Variants in MYH11 observed in about 807,000 individuals in gnomAD.
MYH11 encodes myosin-11.
MYH11 carries 80 observed loss-of-function variants against 246.6 expected under a neutral mutation model. The ratio of observed to expected loss-of-function variants is 0.32; its 90% CI spans 0.27 to 0.39. MYH11 has a LOEUF of 0.39. Among genes scored for constraint, MYH11 ranks in the 10% least tolerant of loss-of-function variants. MYH11 has a pLI of 1.00. For missense variants in MYH11, 2,158 were observed against 2,546.8 expected, an observed-to-expected ratio of 0.85 and a Z score of 3.29; for synonymous variants, 1,071 against 1,015.5, an observed-to-expected ratio of 1.05 and a Z score of -1.04.
At chr16:15,834,072 CT>C (rs965022219) in intron 2 of MYH11, among the ~76,000 whole-genome samples, 32 of 151,260 alleles carry the variant, frequency 2.1e-4, no homozygotes, top group Admixed American at 1.8e-3. Context: ...TTCATATGCC[CT>C]TTTTTTTTCT....
At chr16:15,706,651 GAGCCAACGTTGTGCCACTGCA>G (rs1415225374) in intron 40 of MYH11, among the ~76,000 whole-genome samples, 2 of 151,734 alleles carry the variant, frequency 1.3e-5, no homozygotes, top group Admixed American at 6.6e-5. Flanking sequence ...AGGCTGCAGT[GAGCCAACGTTGTGCCACTGCA>G]CTCCAGCCTG....
intron 14 of MYH11, 126 bp downstream of exon 14, chr16:15,756,215 G>T: frequency 1.9e-6 from 2 of 1,050,964 alleles, no homozygotes; most frequent in East Asian, 2.6e-5. Context: ...GTTGGGATTC[G>T]CTTAGCAGCA....
rs766875173 is a variant in MYH11 at position 15,704,076 on chromosome 16, C to T, written c.5834G>A (p.Arg1945His). The change falls in exon 41 of 41, where the codon CGT becomes CAT. Residue 1945 changes from arginine to histidine, a missense_variant. By Grantham distance (29) the Arg-to-His change is conservative (BLOSUM62 0). Around this residue, in one of 11 missense-constraint regions of MYH11, gnomAD observed 1,013 missense variants for 993.5 expected, o/e 1.02. Transcript: ENST00000300036. ...ACCATCTGCATTTTCAATAACTCTA[C>T]GTCCTCCAGACCTTCTAGAAGGAAC... is the stretch of plus-strand genomic sequence containing the variant. Reference protein sequence around the residue: ...SFVPSRRSGGRRVIENADGSE... With the variant: ...SFVPSRRSGGHRVIENADGSE... 8 of 1,614,114 alleles carry T rather than the reference C, an allele frequency of 5.0e-6. No individual in the cohort carries two copies. The highest frequency in any genetic ancestry group is 2.2e-5 in the East Asian group (1 of 44,882).
At chr16:15,727,341 C>T (rs1300405571) in intron 27 of MYH11, among the ~76,000 whole-genome samples, 2 of 152,108 alleles carry the variant, frequency 1.3e-5, no homozygotes, top group Non-Finnish European at 2.9e-5. Flanking sequence ...GCTGGGATTA[C>T]AGGCGCCCGC....
intron 16 of MYH11, 88 bp from the exon 17 acceptor site, chr16:15,748,256 T>A (rs2041474321): frequency 1.3e-6 from 2 of 1,587,564 alleles, no homozygotes. Context: ...ATGACCCACC[T>A]GGCCAGGCCA....
intron 4 of MYH11, among the ~76,000 whole-genome samples, chr16:15,795,148 C>G (rs1344765010): frequency 6.6e-6 from 1 of 151,610 alleles, no homozygotes; most frequent in Non-Finnish European, 1.5e-5. Context: ...TCTCTATTAA[C>G]AATACAAAAA....
At chr16:15,736,754 G>A (rs543197357) in intron 25 of MYH11, among the ~76,000 whole-genome samples, 1 of 152,274 alleles carries the variant, frequency 6.6e-6, no homozygotes, top group Non-Finnish European at 1.5e-5. Context: ...TGCTCCTGTT[G>A]CGTTACCCCT....
chr16:15,847,265 T>TTTTTC lies in MYH11; in HGVS notation c.-17-8997_-17-8996insGAAAA, dbSNP rs574635258. ...GGACTTCTTTTTTTTTTTTTTTTTT[T>TTTTTC]TCTGAGACAGGGTCTTGCTCTGTCG... is the stretch of plus-strand genomic sequence containing the variant. On this transcript the variant is annotated intron_variant, in intron 1 of 40. Transcript: ENST00000300036. 3.4e-4 allele frequency among the ~76,000 whole-genome samples: 40 copies of TTTTTC among 116,192 alleles called. 1 individual carries two copies. Among genetic ancestry groups the TTTTTC allele is most frequent in the East Asian group, 9.2e-4 (4 of 4,342 alleles). 76.2% of individuals were successfully genotyped at this position (116,192 alleles called of 152,430 possible). A position where few individuals can be genotyped will look rare whatever the true frequency, so the allele number is the denominator to read the frequency against.
chr16:15,823,183 G>A (rs2151359617), intron 3 of MYH11, 72 bp downstream of exon 3: 1 of 1,600,772 alleles, frequency 6.2e-7, no homozygotes. Flanking sequence ...CACATTCCTG[G>A]CAAGAACTGC....
intron 2 of MYH11, among the ~76,000 whole-genome samples, chr16:15,833,412 G>GAA (rs71392067): frequency 0.012 from 1,766 of 148,956 alleles, 31 homozygotes; most frequent in African/African-American, 0.034. Flanking sequence ...AGGAAGGAAG[G>GAA]GAGGAACGAA....
chr16:15,739,245 G>A (rs570470626), intron 23 of MYH11, among the ~76,000 whole-genome samples: 4 of 151,546 alleles, frequency 2.6e-5, no homozygotes, highest in Admixed American at 6.6e-5. Context: ...GACTACAGGC[G>A]CCCGCCAACA....
intron 26 of MYH11, among the ~76,000 whole-genome samples, chr16:15,735,125 G>A (rs1015644127): frequency 4.0e-5 from 6 of 148,978 alleles, no homozygotes; most frequent in African/African-American, 1.5e-4. Context: ...GTTGCAGTGA[G>A]CCAAGATGGC....
At chr16:15,833,153 G>T (rs1024743784) in intron 2 of MYH11, among the ~76,000 whole-genome samples, 3 of 151,008 alleles carry the variant, frequency 2.0e-5, no homozygotes, top group Admixed American at 6.6e-5. Flanking sequence ...AAAAAAATTA[G>T]CTGGGCATCG....
At position 15,715,059 on chromosome 16, in the gene MYH11, A is replaced by G. The variant is rs772182716; in HGVS notation, c.5636T>C (p.Val1879Ala). Reference sequence around the variant, plus strand: ...CTCCAGCTGCCTCTTGAGCTGCTTGACCCTGGCATTGCCTTTCTCTGCCTG... The same window carrying G: ...CTCCAGCTGCCTCTTGAGCTGCTTGGCCCTGGCATTGCCTTTCTCTGCCTG... ...KEQAEKGNAR[V>A]KQLKRQLEEA... The change falls in exon 40 of 41, where the codon GTC (valine) becomes GCC (alanine). Residue 1879 changes from valine (V) to alanine (A), a missense_variant. Val to Ala is a moderately conservative substitution (Grantham distance 64). Around this residue, in one of 11 missense-constraint regions of MYH11, gnomAD observed 1,013 missense variants for 993.5 expected, o/e 1.02. Transcript: ENST00000300036. 2.5e-6 allele frequency: 4 copies of G among 1,609,232 alleles called. No individual in the cohort carries two copies. The African/African-American group carries it at 5.5e-5, about 22-fold the overall frequency.
Position 15,720,738 on chromosome 16 carries a change from AAAAT to A in MYH11, c.4791+97_4791+100del, listed in dbSNP as rs1233019278. ...ACAGAGCGAGACTCTGTTTCAAAAA[AAAAT>A]AAAGAAAACGAAGTTTCCACACCAA... On this transcript the variant is annotated intron_variant, in intron 33 of 40. Coordinates refer to ENST00000300036, the MANE Select transcript of MYH11 (RefSeq NM_002474.3). 11 of 1,336,930 alleles carry A rather than the reference AAAAT, an allele frequency of 8.2e-6. No individual in the cohort carries two copies. In the African/African-American group the frequency reaches 1.0e-4, roughly 12 times the overall value. The allele number at this position is 1,336,930 out of a possible 1,614,324, so 82.8% of individuals were successfully genotyped here. A position where few individuals can be genotyped will look rare whatever the true frequency, so the allele number is the denominator to read the frequency against.
intron 7 of MYH11, among the ~76,000 whole-genome samples, chr16:15,777,402 TG>T (rs747818776): frequency 2.0e-5 from 3 of 152,126 alleles, no homozygotes; most frequent in Non-Finnish European, 4.4e-5. Context: ...ATTACAGGCG[TG>T]AACCACCGTG....
intron 3 of MYH11, among the ~76,000 whole-genome samples, chr16:15,821,414 C>T (rs909401099): frequency 6.6e-6 from 1 of 152,160 alleles, no homozygotes; most frequent in Non-Finnish European, 1.5e-5. Context: ...TAGGTGCCAG[C>T]AAGTTCTCTT....
At chr16:15,757,221 A>G (rs917605042) in intron 13 of MYH11, among the ~76,000 whole-genome samples, 1 of 151,172 alleles carries the variant, frequency 6.6e-6, no homozygotes, top group South Asian at 2.1e-4. Context: ...CAGTGGCGCA[A>G]TCTCGGCTTA....
chr16:15,839,384 G>A (rs912499687), intron 1 of MYH11, among the ~76,000 whole-genome samples: 5 of 152,072 alleles, frequency 3.3e-5, no homozygotes, highest in Non-Finnish European at 5.9e-5. Context: ...AAACGTAAGT[G>A]TGGTTATTGA....
Sources: allele counts gnomAD v4.1 joint callset (sites outside exome capture counted in the v4.1 genomes callset), GRCh38; gene constraint gnomAD v4.1.1; regional missense constraint gnomAD v4.1.1; transcripts MANE v1.5; gene names NCBI Gene and HGNC (gene_info 2026-07-23, HGNC 2026-07-21).